The following ATOSA variants were observed in gnomAD, a reference collection of about 807,000 sequenced individuals.
The protein encoded by ATOSA is atos homolog protein A.
chr15:52,613,257 T>A, the ATOSA span, among the ~76,000 whole-genome samples: 6 of 152,200 alleles, frequency 3.9e-5, no homozygotes, highest in Non-Finnish European at 8.8e-5. Context: ...TCCTAGCTAC[T>A]CAGGAGGCTG....
At chr15:52,682,914 A>G in the ATOSA span, among the ~76,000 whole-genome samples, 3 of 152,284 alleles carry the variant, frequency 2.0e-5, no homozygotes, top group African/African-American at 7.2e-5. Flanking sequence ...TCTGTAAACA[A>G]CCTTCTACCT....
the ATOSA span, chr15:52,605,351 T>G: frequency 1.3e-6 from 1 of 747,268 alleles, no homozygotes; most frequent in Non-Finnish European, 2.1e-6. Context: ...TTCTGAGGTA[T>G]TGCTGGTGAA....
At chr15:52,609,638 A>G in the ATOSA span, 1 of 1,613,198 alleles carries the variant, frequency 6.2e-7, no homozygotes, top group South Asian at 1.1e-5. Flanking sequence ...AAAGTCATGG[A>G]GAAAGCTTCT....
At chr15:52,664,948 G>A in the ATOSA span, among the ~76,000 whole-genome samples, 1 of 91,760 alleles carries the variant, frequency 1.1e-5, no homozygotes, top group Non-Finnish European at 3.2e-5. Flanking sequence ...GGGTGTTGGG[G>A]GTGGGGGGGT....
the ATOSA span, among the ~76,000 whole-genome samples, chr15:52,620,919 AGAGT>A: frequency 1.3e-5 from 2 of 152,226 alleles, no homozygotes; most frequent in Admixed American, 1.3e-4. Context: ...CCTGGGCAAC[AGAGT>A]GAGACTTTGT....
the ATOSA span, among the ~76,000 whole-genome samples, chr15:52,596,441 G>A: frequency 6.6e-6 from 1 of 152,192 alleles, no homozygotes; most frequent in South Asian, 2.1e-4. Flanking sequence ...ATCCATATGC[G>A]TAAAAGGGAA....
chr15:52,687,562 A>G, the ATOSA span, among the ~76,000 whole-genome samples: 3 of 152,248 alleles, frequency 2.0e-5, no homozygotes, highest in African/African-American at 4.8e-5. Context: ...ATTTTGGAGA[A>G]TAAAGACTGA....
chr15:52,706,981 A>C, the ATOSA span, among the ~76,000 whole-genome samples: 11 of 152,182 alleles, frequency 7.2e-5, no homozygotes, highest in Admixed American at 7.2e-4. Context: ...ATGGCTATAC[A>C]ACTCTGACTA....
the ATOSA span, among the ~76,000 whole-genome samples, chr15:52,667,986 G>A: frequency 5.1e-3 from 782 of 152,290 alleles, 3 homozygotes; most frequent in African/African-American, 0.018. Context: ...CAGCCATTAC[G>A]GAAAACAGTA....
chr15:52,594,638 T>C, the ATOSA span, among the ~76,000 whole-genome samples: 1 of 152,192 alleles, frequency 6.6e-6, no homozygotes, highest in Non-Finnish European at 1.5e-5. Flanking sequence ...ATCAACCTTC[T>C]ATATCTCCTT....
the ATOSA span, chr15:52,611,493 A>T: frequency 4.2e-6 from 6 of 1,419,040 alleles, no homozygotes; most frequent in African/African-American, 8.6e-5. Flanking sequence ...ATTCAAAGAC[A>T]TGATACATTA....
At chr15:52,643,403 C>T in the ATOSA span, among the ~76,000 whole-genome samples, 19 of 152,034 alleles carry the variant, frequency 1.2e-4, no homozygotes, top group East Asian at 7.8e-4. Flanking sequence ...GGGATCCTCC[C>T]GCCTCAGCCT....
chr15:52,585,036 A>G, the ATOSA span: 1 of 1,066,076 alleles, frequency 9.4e-7, no homozygotes, highest in East Asian at 2.6e-5. Context: ...AAGATTTTAA[A>G]CAACAAGGTA....
At chr15:52,700,289 T>C in the ATOSA span, among the ~76,000 whole-genome samples, 1 of 152,310 alleles carries the variant, frequency 6.6e-6, no homozygotes. Context: ...CGTGTAAAGT[T>C]CCTAAACCCA....
At chr15:52,581,896 A>G in the ATOSA span, 1 of 336,128 alleles carries the variant, frequency 3.0e-6, no homozygotes, top group Non-Finnish European at 5.3e-6. Flanking sequence ...ATGTGTAAAC[A>G]CTAATCTAAC....
the ATOSA span, chr15:52,608,452 C>G: frequency 1.0e-6 from 1 of 969,538 alleles, no homozygotes; most frequent in Admixed American, 2.9e-5. Context: ...TTCTATCAGA[C>G]TGTGTGTCCT....
the ATOSA span, chr15:52,679,062 A>T: frequency 5.2e-5 from 8 of 152,494 alleles, no homozygotes; most frequent in African/African-American, 1.9e-4. Flanking sequence ...CGGAGTATGG[A>T]GCGCAGCGGC....
chr15:52,636,880 G>A, the ATOSA span, among the ~76,000 whole-genome samples: 2 of 152,158 alleles, frequency 1.3e-5, no homozygotes, highest in Admixed American at 6.5e-5. Context: ...ATAAACTGGG[G>A]TTTCCAGAAG....
chr15:52,665,052 T>G, the ATOSA span, among the ~76,000 whole-genome samples: 1 of 151,878 alleles, frequency 6.6e-6, no homozygotes, highest in Non-Finnish European at 1.5e-5. Flanking sequence ...TAAATGGGAG[T>G]AAACACTGAG....
Sources: gnomAD v4.1 joint callset for allele counts (sites outside exome capture counted in the v4.1 genomes callset) on GRCh38, gnomAD v4.1.1 for gene constraint, MANE v1.5 for transcripts, NCBI Gene and HGNC (gene_info 2026-07-23, HGNC 2026-07-21) for gene names.